The following NRXN1 variants were observed in gnomAD, a reference collection of about 807,000 sequenced individuals.
NRXN1 encodes the protein neurexin-1.
Under a neutral mutation model 150.9 loss-of-function variants are expected in NRXN1, and 39 were observed. That is an observed-to-expected ratio of 0.26 (90% CI 0.20 to 0.34). The LOEUF is 0.34. Ranked by LOEUF, NRXN1 falls within the 10% of genes least tolerant of loss-of-function variation. The probability of loss-of-function intolerance (pLI) is 1.00; values close to 1 mark genes in which losing one functional copy is unlikely to be tolerated. For missense variants in NRXN1, 1,815 were observed against 1,949.9 expected, an observed-to-expected ratio of 0.93 and a Z score of 1.30; for synonymous variants, 924 against 757.0, an observed-to-expected ratio of 1.22 and a Z score of -3.62.
At chr2:50,436,881 A>G (rs972048570) in intron 17 of NRXN1, among the ~76,000 whole-genome samples, 1 of 152,210 alleles carries the variant, frequency 6.6e-6, no homozygotes, top group African/African-American at 2.4e-5. Flanking sequence ...AAACTAGGAT[A>G]AAGAATGCTT....
intron 8 of NRXN1, among the ~76,000 whole-genome samples, chr2:50,569,814 A>G (rs1271890785): frequency 2.6e-5 from 4 of 152,218 alleles, no homozygotes; most frequent in African/African-American, 9.6e-5. Flanking sequence ...CTTGTATCAG[A>G]CAGCCAATGT....
At chr2:50,359,337 A>G (rs1376553278) in intron 17 of NRXN1, among the ~76,000 whole-genome samples, 1 of 151,946 alleles carries the variant, frequency 6.6e-6, no homozygotes, top group Non-Finnish European at 1.5e-5. Context: ...TTCTAACCCA[A>G]TGCAAGGAAG....
At chr2:50,753,145 A>G (rs1700793005) in intron 5 of NRXN1, among the ~76,000 whole-genome samples, 1 of 151,974 alleles carries the variant, frequency 6.6e-6, no homozygotes, top group African/African-American at 2.4e-5. Context: ...TATTATTTAA[A>G]CTTTGTGAAA....
intron 2 of NRXN1, among the ~76,000 whole-genome samples, chr2:51,027,155 G>T (rs1670623448): frequency 1.3e-5 from 2 of 152,224 alleles, no homozygotes; most frequent in African/African-American, 4.8e-5. Context: ...GACAAGTACA[G>T]TGGTCATATA....
At chr2:50,166,317 G>GTGTT (rs2059684496) in intron 18 of NRXN1, among the ~76,000 whole-genome samples, 2 of 139,918 alleles carry the variant, frequency 1.4e-5, no homozygotes, top group Middle Eastern at 3.6e-3. Context: ...GTGTGTGTGT[G>GTGTT]TGTGTGTTTG....
At chr2:50,379,428 A>C (rs2080782444) in intron 17 of NRXN1, among the ~76,000 whole-genome samples, 1 of 152,194 alleles carries the variant, frequency 6.6e-6, no homozygotes, top group African/African-American at 2.4e-5. Flanking sequence ...GTACAACTCC[A>C]CAGTCGAACA....
chr2:50,407,075 G>C lies in NRXN1; in HGVS notation c.3364+58367C>G, dbSNP rs563443236. Among the ~76,000 whole-genome samples, 260 of 152,154 alleles carry C rather than the reference G, an allele frequency of 1.7e-3. 2 individuals carry two copies. Among genetic ancestry groups the C allele is most frequent in the African/African-American group, 5.9e-3 (246 of 41,524 alleles). ...ACTCATGATAAACTTATTGATAGTA[G>C]TAATGATATACATTTTTTAAAAAAT... On this transcript the variant is annotated intron_variant, in intron 17 of 22. Transcript: ENST00000401669.
At chr2:49,991,463 A>C (rs1350246265) in intron 21 of NRXN1, among the ~76,000 whole-genome samples, 1 of 152,290 alleles carries the variant, frequency 6.6e-6, no homozygotes, top group African/African-American at 2.4e-5. Context: ...AATAAAAAAA[A>C]CATAATAACA....
At chr2:50,710,183 A>G (rs1694978553) in intron 5 of NRXN1, among the ~76,000 whole-genome samples, 1 of 152,226 alleles carries the variant, frequency 6.6e-6, no homozygotes, top group Non-Finnish European at 1.5e-5. Flanking sequence ...CACTGAAGGT[A>G]ATTCAACTGT....
chr2:51,007,450 T>C (rs1344657752), intron 2 of NRXN1, among the ~76,000 whole-genome samples: 2 of 151,966 alleles, frequency 1.3e-5, no homozygotes, highest in African/African-American at 4.8e-5. Context: ...ATGAAAACAA[T>C]GTTAACATAA....
chr2:50,276,433 C>A (rs1355642076), intron 17 of NRXN1, among the ~76,000 whole-genome samples: 3 of 152,036 alleles, frequency 2.0e-5, no homozygotes, highest in African/African-American at 7.2e-5. Context: ...AAGTTTGTTG[C>A]TTTAAAGCAA....
intron 19 of NRXN1, among the ~76,000 whole-genome samples, chr2:50,070,687 G>A (rs1204022600): frequency 2.7e-5 from 4 of 149,138 alleles, no homozygotes; most frequent in Admixed American, 6.7e-5. Flanking sequence ...GGAGAATGGC[G>A]TGAACCCGGG....
In NRXN1 at chr2:50,494,044, A is replaced by C. The variant is rs139173707; in HGVS notation, c.3070+1861T>G. 4.6e-5 allele frequency among the ~76,000 whole-genome samples: 7 copies of C among 152,318 alleles called. No individual in the cohort carries two copies. In the East Asian group the frequency reaches 1.4e-3, roughly 29 times the overall value. ...GTGTGTAAGTACCCCCACCAGAAAG[A>C]ATCCTAGTCTACAATCTCCTATTAC... On this transcript the variant is annotated intron_variant, in intron 15 of 22. Coordinates refer to ENST00000401669, the MANE Select transcript of NRXN1 (RefSeq NM_001330078.2).
At chr2:50,844,976 C>A (rs1673427864) in intron 5 of NRXN1, among the ~76,000 whole-genome samples, 1 of 152,054 alleles carries the variant, frequency 6.6e-6, no homozygotes, top group African/African-American at 2.4e-5. Flanking sequence ...ACCTCAGCCT[C>A]TCAAGTAGCT....
rs1211940893 is a variant in NRXN1, at chr2:49,919,622, C to T, written c.*2322G>A. 6.6e-6 allele frequency: 1 copy of T among 151,090 alleles called. No homozygotes were observed. The highest frequency in any genetic ancestry group is 1.5e-5 in the Non-Finnish European group (1 of 67,804). 9.4% of individuals were successfully genotyped at this position (151,090 alleles called of 1,614,324 possible). A position where few individuals can be genotyped will look rare whatever the true frequency, so the allele number is the denominator to read the frequency against. ...TACACTTCCCTTCTTATTTAACTGG[C>T]TTTCCCTGAGTAAGACTGAATGAGA... On this transcript the variant is annotated 3_prime_UTR_variant, in exon 23 of 23. Transcript: ENST00000401669.
intron 18 of NRXN1, among the ~76,000 whole-genome samples, chr2:50,219,908 T>G (rs2063681393): frequency 1.3e-5 from 1 of 79,110 alleles, no homozygotes; most frequent in African/African-American, 6.0e-5. Context: ...CACATATATA[T>G]ATAAAATCTC....
intron 2 of NRXN1, among the ~76,000 whole-genome samples, chr2:51,025,934 G>A (rs978725533): frequency 1.6e-4 from 25 of 152,080 alleles, no homozygotes; most frequent in Non-Finnish European, 3.1e-4. Context: ...AAGACAGAGC[G>A]CAACAAAATA....
At chr2:50,983,276 G>A (rs1697133662) in intron 2 of NRXN1, among the ~76,000 whole-genome samples, 1 of 151,936 alleles carries the variant, frequency 6.6e-6, no homozygotes, top group Admixed American at 6.6e-5. Context: ...TGCATTTAGG[G>A]GTATGAGGAA....
At chr2:50,482,250 T>C (rs1448634969) in intron 15 of NRXN1, among the ~76,000 whole-genome samples, 2 of 152,106 alleles carry the variant, frequency 1.3e-5, no homozygotes, top group Non-Finnish European at 2.9e-5. Context: ...TATGGGAGCG[T>C]GTAGAGTAAT....
Sources: allele counts gnomAD v4.1 joint callset (sites outside exome capture counted in the v4.1 genomes callset), GRCh38; gene constraint gnomAD v4.1.1; transcripts MANE v1.5; gene names NCBI Gene and HGNC (gene_info 2026-07-23, HGNC 2026-07-21).